OPCML: variants seen among roughly 807,000 people sequenced by gnomAD.
The protein encoded by OPCML is opioid-binding protein/cell adhesion molecule.
In OPCML, 13 loss-of-function variants were observed where a neutral mutation model predicts 37.8. The ratio of observed to expected loss-of-function variants is 0.34; its 90% CI spans 0.22 to 0.55. The LOEUF (loss-of-function observed/expected upper bound fraction) is 0.55. Ranked by LOEUF, OPCML falls within the 20% of genes least tolerant of loss-of-function variation. OPCML has a pLI of 0.91. For missense variants in OPCML, 341 were observed against 435.6 expected, an observed-to-expected ratio of 0.78 and a Z score of 1.93; for synonymous variants, 176 against 168.8, an observed-to-expected ratio of 1.04 and a Z score of -0.33.
At chr11:132,915,657 C>T (rs1296400718) in intron 2 of OPCML, among the ~76,000 whole-genome samples, 1 of 152,190 alleles carries the variant, frequency 6.6e-6, no homozygotes, top group Non-Finnish European at 1.5e-5. Flanking sequence ...GTGACACAAA[C>T]TGTTTTTATT....
intron 1 of OPCML, among the ~76,000 whole-genome samples, chr11:132,989,218 A>C (rs1391915750): frequency 6.6e-6 from 1 of 152,212 alleles, no homozygotes; most frequent in Non-Finnish European, 1.5e-5. Context: ...AAGAGGAAAA[A>C]ATCATTGGTT....
At position 132,891,878 on chromosome 11, in the gene OPCML, C is replaced by T. The variant is rs78463848; in HGVS notation, c.146+51048G>A. Among the ~76,000 whole-genome samples the T allele has an allele frequency of 3.7e-3, 567 of 152,244 alleles. 5 individuals are homozygous for T. Among genetic ancestry groups the T allele is most frequent in the African/African-American group, 0.013 (531 of 41,540 alleles). ...CCCTGTAAACATCCTCTCTTCATCC[C>T]GCCCATCCTCTCCCACCCACACCCC... On this transcript the variant is annotated intron_variant, in intron 2 of 7. Transcript: ENST00000524381.
At chr11:133,064,450 G>A (rs1009274085) in intron 1 of OPCML, among the ~76,000 whole-genome samples, 1 of 152,244 alleles carries the variant, frequency 6.6e-6, no homozygotes, top group Non-Finnish European at 1.5e-5. Context: ...CTGTGGCAGC[G>A]GACCAGGAGG....
chr11:133,361,257 C>T (rs1944408013), intron 1 of OPCML: 2 of 152,302 alleles, frequency 1.3e-5, no homozygotes, highest in African/African-American at 2.4e-5. Context: ...GCAGACGAGC[C>T]CTCTGGGGTG....
At chr11:133,274,127 T>C (rs988416121) in intron 1 of OPCML, among the ~76,000 whole-genome samples, 1 of 152,142 alleles carries the variant, frequency 6.6e-6, no homozygotes, top group African/African-American at 2.4e-5. Flanking sequence ...ACAGCCAAAG[T>C]CTTAACTGGT....
chr11:133,035,493 C>G (rs1394226724), intron 1 of OPCML, among the ~76,000 whole-genome samples: 1 of 152,132 alleles, frequency 6.6e-6, no homozygotes, highest in African/African-American at 2.4e-5. Flanking sequence ...GGAAATTGAG[C>G]CAGAACAGAT....
chr11:132,834,942 G>A (rs1940921431), intron 2 of OPCML, among the ~76,000 whole-genome samples: 1 of 151,700 alleles, frequency 6.6e-6, no homozygotes, highest in Non-Finnish European at 1.5e-5. Context: ...ACAAGGAGAG[G>A]TCAATTAGCC....
intron 1 of OPCML, among the ~76,000 whole-genome samples, chr11:133,194,773 A>G (rs1351766659): frequency 3.3e-5 from 5 of 152,154 alleles, no homozygotes; most frequent in African/African-American, 9.7e-5. Context: ...TTACCTTTTC[A>G]GCTTCATCCC....
chr11:132,503,313 C>T (rs1241916960), intron 4 of OPCML, among the ~76,000 whole-genome samples: 1 of 152,078 alleles, frequency 6.6e-6, no homozygotes, highest in African/African-American at 2.4e-5. Context: ...TACCTAGAAC[C>T]AACACAGTAC....
At chr11:133,028,894 C>CAAAAAAA (rs56272022) in intron 1 of OPCML, among the ~76,000 whole-genome samples, 1 of 140,134 alleles carries the variant, frequency 7.1e-6, no homozygotes, top group Non-Finnish European at 1.6e-5. Flanking sequence ...CTGCACACAG[C>CAAAAAAA]AAAAAAAAAA....
At chr11:133,455,111 T>A (rs1946649533) in intron 1 of OPCML, among the ~76,000 whole-genome samples, 1 of 152,172 alleles carries the variant, frequency 6.6e-6, no homozygotes, top group African/African-American at 2.4e-5. Flanking sequence ...TTCATTGTCT[T>A]GCATCCTTCA....
intron 2 of OPCML, among the ~76,000 whole-genome samples, chr11:132,695,102 G>C (rs908516149): frequency 6.6e-6 from 1 of 152,188 alleles, no homozygotes; most frequent in South Asian, 2.1e-4. Flanking sequence ...CAATGCTTCC[G>C]TGCCCTTGAG....
chr11:132,646,214 C>G (rs1941141540), intron 3 of OPCML, among the ~76,000 whole-genome samples: 1 of 152,144 alleles, frequency 6.6e-6, no homozygotes, highest in Non-Finnish European at 1.5e-5. Flanking sequence ...CCTGTTCTCA[C>G]AACTCACCAC....
intron 1 of OPCML, among the ~76,000 whole-genome samples, chr11:133,226,587 G>T (rs1940048797): frequency 6.6e-6 from 1 of 152,186 alleles, no homozygotes; most frequent in Non-Finnish European, 1.5e-5. Context: ...AGTGGCAATG[G>T]CAATAATGTA....
At chr11:133,517,548 G>T (rs772414819) in intron 1 of OPCML, among the ~76,000 whole-genome samples, 2 of 152,248 alleles carry the variant, frequency 1.3e-5, no homozygotes, top group Non-Finnish European at 2.9e-5. Flanking sequence ...CCGCTAGGGC[G>T]GTGGGGGTTT....
chr11:132,727,661 A>G (rs1944933886), intron 2 of OPCML, among the ~76,000 whole-genome samples: 1 of 152,178 alleles, frequency 6.6e-6, no homozygotes, highest in Non-Finnish European at 1.5e-5. Context: ...TAATTGGCCT[A>G]GGGTAGGTCC....
At chr11:132,484,488 A>T (rs1469062830) in intron 4 of OPCML, among the ~76,000 whole-genome samples, 1 of 152,222 alleles carries the variant, frequency 6.6e-6, no homozygotes, top group Non-Finnish European at 1.5e-5. Context: ...AACTAGTTCA[A>T]CCACTGTGGA....
chr11:132,801,298 T>C (rs1167363039), intron 2 of OPCML, among the ~76,000 whole-genome samples: 1 of 152,242 alleles, frequency 6.6e-6, no homozygotes, highest in African/African-American at 2.4e-5. Flanking sequence ...AGCTAAAGGC[T>C]TGTCAATTTT....
At chr11:132,837,484 C>T (rs1188086713) in intron 2 of OPCML, among the ~76,000 whole-genome samples, 1 of 152,176 alleles carries the variant, frequency 6.6e-6, no homozygotes, top group African/African-American at 2.4e-5. Flanking sequence ...ACTCCACAGT[C>T]AGCATCTGTC....
Sources: gnomAD v4.1 joint callset for allele counts (sites outside exome capture counted in the v4.1 genomes callset) on GRCh38, gnomAD v4.1.1 for gene constraint, MANE v1.5 for transcripts, NCBI Gene and HGNC (gene_info 2026-07-23, HGNC 2026-07-21) for gene names.